GALNT17: variants seen among roughly 807,000 people sequenced by gnomAD.
The protein encoded by GALNT17 is UDP-GalNAc:polypeptide N-acetylgalactosaminyltransferase-like 3.
Under a neutral mutation model 63.7 loss-of-function variants are expected in GALNT17, and 29 were observed. That is an observed-to-expected ratio of 0.46 (90% CI 0.34 to 0.62). The LOEUF (loss-of-function observed/expected upper bound fraction) is 0.62. GALNT17 is among the 20% of genes least tolerant of loss of function. The probability of loss-of-function intolerance (pLI) is 0.01; values close to 1 mark genes in which losing one functional copy is unlikely to be tolerated. For missense variants in GALNT17, 603 were observed against 799.6 expected, an observed-to-expected ratio of 0.75 and a Z score of 2.97; for synonymous variants, 305 against 318.3, an observed-to-expected ratio of 0.96 and a Z score of 0.45.
chr7:71,203,013 TAC>T (rs976072179), intron 1 of GALNT17, among the ~76,000 whole-genome samples: 2 of 151,980 alleles, frequency 1.3e-5, no homozygotes, highest in African/African-American at 4.8e-5. Flanking sequence ...CACACATACA[TAC>T]ACACACACAC....
At position 71,590,025 on chromosome 7, in the gene GALNT17, G is replaced by C. The variant is rs76008997; in HGVS notation, c.1080+18623G>C. 5.0e-4 allele frequency among the ~76,000 whole-genome samples: 75 copies of C among 151,212 alleles called. 1 individual carries two copies. The East Asian group carries it at 0.013, about 26-fold the overall frequency. ...AATCTTTATGTAGACACACAGATAG[G>C]AACCATGCCCGTACATGTATTTCAT... is the stretch of plus-strand genomic sequence containing the variant. On this transcript the variant is annotated intron_variant, in intron 6 of 10. Transcript: ENST00000333538.
At chr7:71,384,039 T>G (rs918618975) in intron 2 of GALNT17, among the ~76,000 whole-genome samples, 1 of 152,148 alleles carries the variant, frequency 6.6e-6, no homozygotes, top group Non-Finnish European at 1.5e-5. Context: ...GGCCGTAACA[T>G]CCTCCCCTTC....
chr7:71,393,691 C>T (rs1052734646), intron 3 of GALNT17, among the ~76,000 whole-genome samples: 19 of 152,066 alleles, frequency 1.2e-4, no homozygotes, highest in Non-Finnish European at 1.5e-4. Context: ...GAGAAGCAGA[C>T]GAGATGAGAC....
chr7:71,248,137 G>A (rs1288793003), intron 1 of GALNT17, among the ~76,000 whole-genome samples: 1 of 152,178 alleles, frequency 6.6e-6, no homozygotes, highest in Non-Finnish European at 1.5e-5. Context: ...CAATCATGGT[G>A]GAAGGTGAAG....
intron 8 of GALNT17, among the ~76,000 whole-genome samples, chr7:71,672,708 C>T (rs575948614): frequency 2.0e-5 from 3 of 152,118 alleles, no homozygotes; most frequent in Non-Finnish European, 2.9e-5. Flanking sequence ...CACGCCACCA[C>T]GCCCAGCTAA....
At chr7:71,198,344 G>A (rs1254533976) in intron 1 of GALNT17, among the ~76,000 whole-genome samples, 1 of 152,176 alleles carries the variant, frequency 6.6e-6, no homozygotes, top group East Asian at 1.9e-4. Context: ...CGAAATGGGT[G>A]TAGTGAGTAT....
chr7:71,228,912 T>C (rs545115865), intron 1 of GALNT17, among the ~76,000 whole-genome samples: 187 of 152,098 alleles, frequency 1.2e-3, no homozygotes, highest in African/African-American at 4.1e-3. Context: ...CCTTTTTTTT[T>C]CCCTCCTCGG....
chr7:71,550,167 T>A (rs1789051520), intron 5 of GALNT17, among the ~76,000 whole-genome samples: 1 of 151,858 alleles, frequency 6.6e-6, no homozygotes, highest in African/African-American at 2.4e-5. Context: ...TGTAAAGGCA[T>A]GGGAAAAAAT....
At chr7:71,523,978 T>A (rs1490996383) in intron 5 of GALNT17, among the ~76,000 whole-genome samples, 3 of 149,662 alleles carry the variant, frequency 2.0e-5, no homozygotes, top group African/African-American at 4.9e-5. Flanking sequence ...ACTAGCCAGA[T>A]GTGGTGGCAC....
intron 6 of GALNT17, among the ~76,000 whole-genome samples, chr7:71,622,547 G>A (rs1790311665): frequency 6.6e-6 from 1 of 152,018 alleles, no homozygotes; most frequent in Non-Finnish European, 1.5e-5. Flanking sequence ...CAACTGTCTT[G>A]GACTCCTACC....
At chr7:71,177,144 G>A (rs1222098764) in intron 1 of GALNT17, among the ~76,000 whole-genome samples, 1 of 152,134 alleles carries the variant, frequency 6.6e-6, no homozygotes, top group African/African-American at 2.4e-5. Flanking sequence ...GCGGGGCCAA[G>A]CTACTGTCCT....
intron 8 of GALNT17, among the ~76,000 whole-genome samples, chr7:71,674,956 C>T (rs890759795): frequency 6.6e-6 from 1 of 152,124 alleles, no homozygotes; most frequent in Non-Finnish European, 1.5e-5. Flanking sequence ...GAGGCCGAGG[C>T]AGGTGGATCA....
chr7:71,311,232 C>G (rs1356105147), intron 1 of GALNT17, among the ~76,000 whole-genome samples: 1 of 152,116 alleles, frequency 6.6e-6, no homozygotes, highest in African/African-American at 2.4e-5. Context: ...CACCTTCTCT[C>G]CTAAAGATGG....
chr7:71,349,178 G>A (rs1792146881), intron 2 of GALNT17, among the ~76,000 whole-genome samples: 1 of 152,218 alleles, frequency 6.6e-6, no homozygotes, highest in African/African-American at 2.4e-5. Context: ...TTCTTGGTTT[G>A]TGAGTACAGT....
chr7:71,440,479 A>G (rs910628456), intron 5 of GALNT17, among the ~76,000 whole-genome samples: 13 of 151,384 alleles, frequency 8.6e-5, no homozygotes, highest in Non-Finnish European at 1.6e-4. Flanking sequence ...GGTTCAACCA[A>G]TTCTCCTGCC....
chr7:71,441,180 G>A (rs1197030507), intron 5 of GALNT17, among the ~76,000 whole-genome samples: 2 of 151,894 alleles, frequency 1.3e-5, no homozygotes, highest in South Asian at 2.1e-4. Context: ...CCGCCACCAC[G>A]CCCGGCTGAT....
rs553958650 is a variant in GALNT17 at position 71,481,363 on chromosome 7, A to T, written c.962+60258A>T. 3.5e-3 allele frequency among the ~76,000 whole-genome samples: 526 copies of T among 152,280 alleles called. 5 individuals carry two copies. Among genetic ancestry groups the T allele is most frequent in the Middle Eastern group, 0.017 (5 of 294 alleles). On this transcript the variant is annotated intron_variant, in intron 5 of 10. Coordinates refer to ENST00000333538, the MANE Select transcript of GALNT17 (RefSeq NM_022479.3). ...CTACTGGGGAGGCTGAGGCAGGAGA[A>T]TCGCTTGAACCCGGGAGGCAGAGCT...
chr7:71,238,302 G>T (rs890499909), intron 1 of GALNT17, among the ~76,000 whole-genome samples: 1 of 152,176 alleles, frequency 6.6e-6, no homozygotes. Context: ...AAGGTGAGGG[G>T]TTGGGAAAGA....
intron 3 of GALNT17, among the ~76,000 whole-genome samples, chr7:71,409,017 A>C (rs9769768): frequency 2.5e-3 from 356 of 144,942 alleles, no homozygotes; most frequent in African/African-American, 8.5e-3. Flanking sequence ...CACATACACA[A>C]ACACACACAC....
Sources: allele counts gnomAD v4.1 joint callset (sites outside exome capture counted in the v4.1 genomes callset), GRCh38; gene constraint gnomAD v4.1.1; transcripts MANE v1.5; gene names NCBI Gene and HGNC (gene_info 2026-07-23, HGNC 2026-07-21).